TBC1D31: variants seen among roughly 807,000 people sequenced by gnomAD.
TBC1D31 encodes the protein WD repeat domain 67.
TBC1D31 carries 99 observed loss-of-function variants against 132.9 expected under a neutral mutation model. That is an observed-to-expected ratio of 0.74 (90% CI 0.63 to 0.88). The LOEUF (loss-of-function observed/expected upper bound fraction) is 0.88. Among genes scored for constraint, TBC1D31 ranks in the 40% least tolerant of loss-of-function variants. TBC1D31 has a pLI of 0.00. For synonymous variants in TBC1D31, 385 were observed against 419.4 expected, an observed-to-expected ratio of 0.92 and a Z score of 1.00; for missense variants, 1,134 against 1,256.6, an observed-to-expected ratio of 0.90 and a Z score of 1.48.
chr8:123,146,354 C>A (rs981116100), intron 20 of TBC1D31, among the ~76,000 whole-genome samples: 1 of 152,312 alleles, frequency 6.6e-6, no homozygotes, highest in African/African-American at 2.4e-5. Context: ...AAGCCCCTGG[C>A]AGCTACTAAC....
chr8:123,152,025 T>C lies in TBC1D31; in HGVS notation c.*86T>C. On this transcript the variant is annotated 3_prime_UTR_variant, in exon 22 of 22. Transcript: ENST00000287380. ...TTTTAGATTATTTATTTAAAATTCC[T>C]ATAAAGATCAGCCCTTTGTACAGAA... 8.0e-7 allele frequency: 1 copy of C among 1,251,174 alleles called. No individual in the cohort carries two copies. The highest frequency in any genetic ancestry group is 1.0e-6 in the Non-Finnish European group (1 of 961,598). The allele number at this position is 1,251,174 out of a possible 1,614,324, so 77.5% of individuals were successfully genotyped here.
intron 20 of TBC1D31, among the ~76,000 whole-genome samples, chr8:123,149,365 GAGAC>G (rs765829065): frequency 1.3e-5 from 2 of 152,208 alleles, no homozygotes; most frequent in Non-Finnish European, 2.9e-5. Flanking sequence ...CCGATTTAAT[GAGAC>G]TCCCAGCATT....
chr8:123,093,863 A>G, intron 5 of TBC1D31, 121 bp downstream of exon 5: 3 of 648,258 alleles, frequency 4.6e-6, no homozygotes, highest in South Asian at 5.1e-5. Context: ...GTTACCTTCA[A>G]ATTTAGATAT....
At chr8:123,128,664 C>T in intron 14 of TBC1D31, 151 bp downstream of exon 14, 1 of 621,190 alleles carries the variant, frequency 1.6e-6, no homozygotes, top group Non-Finnish European at 2.8e-6. Context: ...ATCACAAGGT[C>T]AGGAGTTCGA....
intron 5 of TBC1D31, among the ~76,000 whole-genome samples, chr8:123,096,751 T>C (rs1816877684): frequency 1.3e-5 from 2 of 152,364 alleles, no homozygotes; most frequent in East Asian, 3.9e-4. Flanking sequence ...TACAAGTTCT[T>C]GTTGAATGAG....
rs1291347381 is a variant in TBC1D31, at chr8:123,128,461, A to G, written c.2065A>G (p.Thr689Ala). The change falls in exon 14 of 22, where the codon ACA becomes GCA. Residue 689 changes from threonine (T) to alanine (A), a missense_variant. Physicochemically the swap from Thr to Ala is moderately conservative, Grantham distance 58 (BLOSUM62 0). Coordinates refer to ENST00000287380, the MANE Select transcript of TBC1D31 (RefSeq NM_145647.4). ...QYPKFIVDYQ[T>A]QERERIRNDE... is the part of the protein sequence containing the mutation. The stretch of plus-strand genomic sequence containing the variant: ...TCCAAAGTTTATTGTGGACTATCAA[A>G]CACAGGAACGAGAAAGAATAAGGAA... 2 of 1,613,898 alleles carry G rather than the reference A, an allele frequency of 1.2e-6. No homozygotes were observed. The highest frequency in any genetic ancestry group is 3.3e-5 in the Admixed American group (2 of 60,030).
chr8:123,141,348 C>G (rs1821645163), intron 18 of TBC1D31, among the ~76,000 whole-genome samples: 1 of 141,038 alleles, frequency 7.1e-6, no homozygotes, highest in African/African-American at 2.7e-5. Flanking sequence ...ATTGTGTGGA[C>G]TATTAACTAT....
At chr8:123,102,142 C>G (rs1817488575) in intron 7 of TBC1D31, 1 of 425,422 alleles carries the variant, frequency 2.4e-6, no homozygotes, top group Non-Finnish European at 4.7e-6. Flanking sequence ...ATTCCCCCAG[C>G]TAACCAGTCA....
chr8:123,072,950 C>A, intron 1 of TBC1D31, 104 bp downstream of exon 1: 1 of 1,169,498 alleles, frequency 8.6e-7, no homozygotes, highest in South Asian at 1.4e-5. Flanking sequence ...TCTGACCTTG[C>A]CCCGCATCCC....
intron 20 of TBC1D31, among the ~76,000 whole-genome samples, chr8:123,145,409 T>C (rs1030018533): frequency 9.8e-5 from 15 of 152,320 alleles, no homozygotes; most frequent in Admixed American, 8.5e-4. Context: ...TTTGATTCTG[T>C]TGCTCCAAGG....
At chr8:123,110,116 G>A (rs1818305867) in intron 10 of TBC1D31, among the ~76,000 whole-genome samples, 1 of 152,112 alleles carries the variant, frequency 6.6e-6, no homozygotes, top group South Asian at 2.1e-4. Context: ...CAGAGGCATA[G>A]TGGAAAGAGC....
Position 123,126,669 on chromosome 8 carries a change from T to A in TBC1D31, c.1866T>A (p.Asn622Lys). The change falls in exon 13 of 22, where the codon AAT becomes AAA. Residue 622 changes from asparagine (N) to lysine (K), a missense_variant. Physicochemically the swap from Asn to Lys is moderately conservative, Grantham distance 94 (BLOSUM62 0). Coordinates refer to ENST00000287380, the MANE Select transcript of TBC1D31 (RefSeq NM_145647.4). ...CTAGAACGCCTCTGCTCAGCTGTAA[T>A]CTTAAAGATGACTTTGAGGTAACGG... ...ICSRTPLLSC[N>K]LKDDFEFFFH... 1 of 1,611,558 alleles carries A rather than the reference T, an allele frequency of 6.2e-7. No individual in the cohort carries two copies. Among genetic ancestry groups the A allele is most frequent in the Non-Finnish European group, 8.5e-7 (1 of 1,179,198 alleles).
intron 16 of TBC1D31, among the ~76,000 whole-genome samples, chr8:123,132,118 C>T (rs1021152222): frequency 3.3e-5 from 5 of 152,166 alleles, no homozygotes; most frequent in African/African-American, 1.2e-4. Flanking sequence ...TGATCTCCTT[C>T]CTCGCTTTTT....
chr8:123,140,679 A>G, intron 17 of TBC1D31, 82 bp from the exon 18 acceptor site: 1 of 1,101,292 alleles, frequency 9.1e-7, no homozygotes, highest in African/African-American at 1.6e-5. Context: ...ATTTGTGTGC[A>G]TATTACTATT....
Position 123,129,235 on chromosome 8 carries a change from T to TA in TBC1D31, c.2270+26dup, listed in dbSNP as rs753835940. The stretch of plus-strand genomic sequence containing the variant: ...AAGACAGAGGTATGTGTTATCACTT[T>TA]AAAAAAAAATCTGGACATATAAGTT... On this transcript the variant is annotated intron_variant, in intron 15 of 21. Transcript: ENST00000287380. 3.1e-4 allele frequency: 450 copies of TA among 1,433,386 alleles called. No homozygotes were observed. The highest frequency in any genetic ancestry group is 5.7e-4 in the South Asian group (38 of 66,138). The allele number at this position is 1,433,386 out of a possible 1,614,324, so 88.8% of individuals were successfully genotyped here. A position where few individuals can be genotyped will look rare whatever the true frequency, so the allele number is the denominator to read the frequency against.
chr8:123,091,079 C>A (rs968559430), intron 4 of TBC1D31, among the ~76,000 whole-genome samples: 1 of 152,116 alleles, frequency 6.6e-6, no homozygotes, highest in Non-Finnish European at 1.5e-5. Flanking sequence ...CAGCTCCGTC[C>A]TTGAACCTAA....
chr8:123,115,243 C>T (rs193206858), intron 10 of TBC1D31, among the ~76,000 whole-genome samples: 1 of 152,176 alleles, frequency 6.6e-6, no homozygotes, highest in South Asian at 2.1e-4. Flanking sequence ...GAGAGTCAGT[C>T]AAAAGATGGC....
intron 2 of TBC1D31, among the ~76,000 whole-genome samples, chr8:123,082,058 T>C (rs2129810382): frequency 6.6e-6 from 1 of 152,374 alleles, no homozygotes; most frequent in African/African-American, 2.4e-5. Context: ...TCAGACAGCA[T>C]GACTCTAGAT....
At chr8:123,102,535 T>G (rs1416868186) in intron 7 of TBC1D31, 3 of 295,560 alleles carry the variant, frequency 1.0e-5, no homozygotes, top group Non-Finnish European at 2.0e-5. Context: ...ATGTTCCCAA[T>G]TTCTTTTCTA....
Sources: gnomAD v4.1 joint callset for allele counts (sites outside exome capture counted in the v4.1 genomes callset) on GRCh38, gnomAD v4.1.1 for gene constraint, MANE v1.5 for transcripts, NCBI Gene and HGNC (gene_info 2026-07-23, HGNC 2026-07-21) for gene names.